Variants in SYN3 observed in about 807,000 individuals in gnomAD.
The protein encoded by SYN3 is synapsin-3.
Under a neutral mutation model 65.8 loss-of-function variants are expected in SYN3, and 35 were observed. The observed-to-expected ratio is 0.53, with a 90% CI of 0.41 to 0.70. The LOEUF (loss-of-function observed/expected upper bound fraction) is 0.70, where lower values mean the gene tolerates loss of function less well. SYN3 is among the 30% of genes least tolerant of loss of function. The pLI is 0.00. For synonymous variants in SYN3, 270 were observed against 292.9 expected, an observed-to-expected ratio of 0.92 and a Z score of 0.80; for missense variants, 680 against 749.0, an observed-to-expected ratio of 0.91 and a Z score of 1.08.
chr22:32,714,904 G>A (rs1248521557), intron 6 of SYN3, among the ~76,000 whole-genome samples: 4 of 152,174 alleles, frequency 2.6e-5, no homozygotes. Flanking sequence ...TATAGTAGAT[G>A]CTCAATGAAT....
chr22:32,683,669 TA>T (rs1289945775), intron 6 of SYN3, among the ~76,000 whole-genome samples: 1 of 152,184 alleles, frequency 6.6e-6, no homozygotes, highest in East Asian at 1.9e-4. Context: ...GGCCGTCTTC[TA>T]TAAGGACAAC....
chr22:32,754,415 G>T (rs948188917), intron 6 of SYN3, among the ~76,000 whole-genome samples: 6 of 152,138 alleles, frequency 3.9e-5, no homozygotes, highest in Non-Finnish European at 1.5e-5. Context: ...GCCTCCCAAA[G>T]TGCTCACATT....
intron 6 of SYN3, among the ~76,000 whole-genome samples, chr22:32,642,266 G>A (rs1033225607): frequency 2.0e-5 from 3 of 151,326 alleles, no homozygotes; most frequent in African/African-American, 7.3e-5. Context: ...TCCAGCCTTG[G>A]GTGACAGAGC....
intron 6 of SYN3, among the ~76,000 whole-genome samples, chr22:32,599,156 T>C (rs544547458): frequency 2.0e-5 from 3 of 152,308 alleles, no homozygotes; most frequent in Admixed American, 6.5e-5. Flanking sequence ...TTCTTGCTCT[T>C]TCCACTTAAT....
intron 6 of SYN3, among the ~76,000 whole-genome samples, chr22:32,647,394 T>C (rs993576159): frequency 6.6e-6 from 1 of 152,326 alleles, no homozygotes; most frequent in Middle Eastern, 3.4e-3. Flanking sequence ...CTGAATCATA[T>C]GCTGAGAAAG....
At chr22:32,871,689 C>T (rs990987170) in intron 4 of SYN3, among the ~76,000 whole-genome samples, 8 of 151,982 alleles carry the variant, frequency 5.3e-5, no homozygotes, top group African/African-American at 1.7e-4. Flanking sequence ...CTCACTGCAC[C>T]CTCAAACTCC....
chr22:32,765,954 G>A lies in SYN3; in HGVS notation c.711+98961C>T, dbSNP rs144833492. ...AGATTCCAGTCCTGTAAACCCAGGG[G>A]CCCTCCAAGCACTAGGCTTCCTCTT... On this transcript the variant is annotated intron_variant, in intron 6 of 13. Transcript: ENST00000358763. Among the ~76,000 whole-genome samples the A allele has an allele frequency of 1.2e-4, 18 of 152,290 alleles. No individual in the cohort carries two copies. In the East Asian group the frequency reaches 3.1e-3, roughly 26 times the overall value.
At chr22:32,940,960 T>A (rs1046249485) in intron 3 of SYN3, among the ~76,000 whole-genome samples, 6 of 152,162 alleles carry the variant, frequency 3.9e-5, no homozygotes, top group African/African-American at 9.7e-5. Flanking sequence ...CCTCAAAGGC[T>A]CTGTCCTGAA....
At chr22:32,825,442 C>G (rs920405749) in intron 6 of SYN3, among the ~76,000 whole-genome samples, 2 of 151,764 alleles carry the variant, frequency 1.3e-5, no homozygotes, top group African/African-American at 4.8e-5. Context: ...AGGTGGATCA[C>G]CAGGTCAGGA....
chr22:32,855,661 T>C (rs1048213625), intron 6 of SYN3, among the ~76,000 whole-genome samples: 8 of 152,182 alleles, frequency 5.3e-5, no homozygotes, highest in Non-Finnish European at 1.2e-4. Flanking sequence ...ACCATTGACA[T>C]TTGGGGCCGG....
intron 2 of SYN3, among the ~76,000 whole-genome samples, chr22:32,984,161 C>CAAA (rs35678412): frequency 3.2e-5 from 3 of 93,010 alleles, no homozygotes; most frequent in Non-Finnish European, 4.2e-5. Context: ...AAACTCCATC[C>CAAA]AAAAAAAAAA....
rs2057677985 is a variant in SYN3, at chr22:32,510,404, A to G, written c.*3288T>C. Among the ~76,000 whole-genome samples the G allele has an allele frequency of 6.6e-6, 1 of 152,142 alleles. No homozygotes were observed. ...CAGGTTGAGAAACTTTGTCCAGCCT[A>G]TTACCATTCAGTTGTATGTTTTGAG... On this transcript the variant is annotated 3_prime_UTR_variant, in exon 14 of 14. Coordinates refer to ENST00000358763, the MANE Select transcript of SYN3 (RefSeq NM_003490.4).
chr22:32,596,107 C>T (rs1464193302), intron 7 of SYN3, among the ~76,000 whole-genome samples: 2 of 152,072 alleles, frequency 1.3e-5, no homozygotes, highest in Non-Finnish European at 2.9e-5. Context: ...AGCACCTCCC[C>T]TTTCTCTCTC....
chr22:32,956,106 C>T (rs961637191), intron 3 of SYN3, among the ~76,000 whole-genome samples: 2 of 137,460 alleles, frequency 1.5e-5, no homozygotes, highest in Non-Finnish European at 3.1e-5. Context: ...CCTAATACCG[C>T]CCCCCCCAAA....
chr22:32,615,556 C>A (rs1481072233), intron 6 of SYN3, among the ~76,000 whole-genome samples: 4 of 152,072 alleles, frequency 2.6e-5, no homozygotes, highest in Non-Finnish European at 5.9e-5. Flanking sequence ...CCAGCTCTGC[C>A]ACATTCTGGA....
At chr22:32,677,435 A>C (rs1690222619) in intron 6 of SYN3, among the ~76,000 whole-genome samples, 2 of 152,174 alleles carry the variant, frequency 1.3e-5, no homozygotes, top group African/African-American at 4.8e-5. Flanking sequence ...TGGTGGAATA[A>C]ATTGTGGCTC....
At chr22:32,759,103 T>C (rs2045380024) in intron 6 of SYN3, among the ~76,000 whole-genome samples, 1 of 152,072 alleles carries the variant, frequency 6.6e-6, no homozygotes, top group Non-Finnish European at 1.5e-5. Context: ...CTGTATTCAG[T>C]TGTGGTCGCC....
intron 1 of SYN3, among the ~76,000 whole-genome samples, chr22:33,030,988 CAG>C (rs962426000): frequency 6.6e-6 from 1 of 152,086 alleles, no homozygotes; most frequent in African/African-American, 2.4e-5. Context: ...TAGAGACAAA[CAG>C]AGACATAGAG....
intron 6 of SYN3, among the ~76,000 whole-genome samples, chr22:32,625,987 GGGAAGGAGGAATCAGGAAAGGCTTAA>G (rs908826695): frequency 1.3e-5 from 2 of 152,198 alleles, no homozygotes; most frequent in African/African-American, 4.8e-5. Flanking sequence ...CTACTGGGTG[GGGAAGGAGGAATCAGGAAAGGCTTAA>G]GGAAGGAGGA....
Sources: gnomAD v4.1 joint callset for allele counts (sites outside exome capture counted in the v4.1 genomes callset) on GRCh38, gnomAD v4.1.1 for gene constraint, MANE v1.5 for transcripts, NCBI Gene and HGNC (gene_info 2026-07-23, HGNC 2026-07-21) for gene names.